ARHGEF28: variants seen among roughly 807,000 people sequenced by gnomAD.
ARHGEF28 encodes Rho guanine nucleotide exchange factor 28.
In ARHGEF28, 152 loss-of-function variants were observed where a neutral mutation model predicts 206.6. The ratio of observed to expected loss-of-function variants is 0.74; its 90% CI spans 0.64 to 0.84. The LOEUF is 0.84. ARHGEF28 is among the 40% of genes least tolerant of loss of function. The pLI is 0.00. For missense variants in ARHGEF28, 2,028 were observed against 2,073.2 expected (o/e 0.98, Z 0.42); for synonymous variants, 763 against 776.4 (o/e 0.98, Z 0.29).
intron 1 of ARHGEF28, among the ~76,000 whole-genome samples, chr5:73,683,741 A>T (rs1022124710): frequency 6.6e-6 from 1 of 151,754 alleles, no homozygotes; most frequent in Non-Finnish European, 1.5e-5. Context: ...CCCTCTGTGT[A>T]AGGGAGGCAA....
At chr5:73,702,042 G>A (rs868743509) in intron 2 of ARHGEF28, among the ~76,000 whole-genome samples, 61 of 152,174 alleles carry the variant, frequency 4.0e-4, no homozygotes, top group Admixed American at 9.8e-4. Flanking sequence ...TTGCTGGGTC[G>A]TATAGTAAGT....
At chr5:73,633,269 C>T (rs1743480027) in intron 1 of ARHGEF28, among the ~76,000 whole-genome samples, 1 of 152,146 alleles carries the variant, frequency 6.6e-6, no homozygotes, top group South Asian at 2.1e-4. Flanking sequence ...AGGCCATGGA[C>T]CTGTACTGGT....
Position 73,698,329 on chromosome 5 carries a change from G to A in ARHGEF28, c.33+13445G>A, listed in dbSNP as rs182476956. ...ATTTCTCTGTAACATCATCCACCAA[G>A]AACACTTTGGATAAACATCAAATTA... On this transcript the variant is annotated intron_variant, in intron 2 of 35. Coordinates refer to ENST00000513042, the MANE Select transcript of ARHGEF28 (RefSeq NM_001177693.2). Among the ~76,000 whole-genome samples, 404 of 152,164 alleles carry A rather than the reference G, an allele frequency of 2.7e-3. 1 individual carries two copies. The highest frequency in any genetic ancestry group is 3.7e-3 in the Non-Finnish European group (252 of 68,002).
chr5:73,836,961 A>G (rs1212993213), intron 10 of ARHGEF28, among the ~76,000 whole-genome samples: 2 of 152,014 alleles, frequency 1.3e-5, no homozygotes, highest in Non-Finnish European at 2.9e-5. Flanking sequence ...TTGAAGATTA[A>G]TTGACTGTAT....
At chr5:73,638,150 C>A (rs1054954479) in intron 1 of ARHGEF28, among the ~76,000 whole-genome samples, 7 of 152,154 alleles carry the variant, frequency 4.6e-5, no homozygotes, top group Admixed American at 6.5e-5. Flanking sequence ...TTACTTGCTG[C>A]TAATAATTTT....
At chr5:73,763,520 C>T (rs1752726195) in intron 4 of ARHGEF28, among the ~76,000 whole-genome samples, 1 of 152,080 alleles carries the variant, frequency 6.6e-6, no homozygotes, top group African/African-American at 2.4e-5. Flanking sequence ...ACTTTTTCTG[C>T]TTGTCAATAA....
chr5:73,733,639 A>T (rs1333851871), intron 2 of ARHGEF28, among the ~76,000 whole-genome samples: 1 of 152,242 alleles, frequency 6.6e-6, no homozygotes, highest in African/African-American at 2.4e-5. Context: ...AAACTATTGA[A>T]AGAAAAAATA....
rs550212864 is a variant in ARHGEF28, at chr5:73,886,209, C to T, written c.3310+105C>T. 860 of 1,379,722 alleles carry T rather than the reference C, an allele frequency of 6.2e-4. 1 individual carries two copies. The highest frequency in any genetic ancestry group is 8.0e-4 in the Non-Finnish European group (818 of 1,027,176). 85.5% of individuals were successfully genotyped at this position (1,379,722 alleles called of 1,614,324 possible). A position where few individuals can be genotyped will look rare whatever the true frequency, so the allele number is the denominator to read the frequency against. On this transcript the variant is annotated intron_variant, in intron 25 of 35. Coordinates refer to ENST00000513042, the MANE Select transcript of ARHGEF28 (RefSeq NM_001177693.2). Reference sequence around the variant, plus strand: ...CAGTTCAGAATTGCAGGCACACATGCGCAAACCCTGGGTCAGTTGAAAGAT... The same window carrying T: ...CAGTTCAGAATTGCAGGCACACATGTGCAAACCCTGGGTCAGTTGAAAGAT...
intron 4 of ARHGEF28, among the ~76,000 whole-genome samples, chr5:73,761,748 C>T (rs967733490): frequency 4.6e-5 from 7 of 152,206 alleles, no homozygotes; most frequent in South Asian, 2.1e-4. Context: ...CTGTGAGTGG[C>T]GACACATCAG....
chr5:73,801,272 C>T lies in ARHGEF28; in HGVS notation c.1024+5881C>T, dbSNP rs551936722. Among the ~76,000 whole-genome samples, 309 of 151,888 alleles carry T rather than the reference C, an allele frequency of 2.0e-3. 1 individual carries two copies. The highest frequency in any genetic ancestry group is 7.0e-3 in the African/African-American group (291 of 41,414). On this transcript the variant is annotated intron_variant, in intron 9 of 35. Coordinates refer to ENST00000513042, the MANE Select transcript of ARHGEF28 (RefSeq NM_001177693.2). ...CCATCCTGGCTAACATGGTGAAACC[C>T]GGTCTCTACTAAAACTACAAAAAAA...
chr5:73,726,112 C>T (rs921340497), intron 2 of ARHGEF28, among the ~76,000 whole-genome samples: 8 of 152,058 alleles, frequency 5.3e-5, no homozygotes, highest in African/African-American at 1.9e-4. Flanking sequence ...TTGCAAAGAC[C>T]ATATCCCTAA....
intron 35 of ARHGEF28, among the ~76,000 whole-genome samples, chr5:73,918,407 A>C (rs1310133769): frequency 6.6e-6 from 1 of 152,226 alleles, no homozygotes; most frequent in Non-Finnish European, 1.5e-5. Flanking sequence ...GTGAGGAGTG[A>C]CAATTACACT....
At chr5:73,631,078 C>T (rs2652119) in intron 1 of ARHGEF28, among the ~76,000 whole-genome samples, 3 of 151,976 alleles carry the variant, frequency 2.0e-5, no homozygotes, top group African/African-American at 7.3e-5. Flanking sequence ...TAGTCCTCTT[C>T]TTCTGAAGAA....
chr5:73,816,885 A>G (rs1375246455), intron 9 of ARHGEF28, among the ~76,000 whole-genome samples: 2 of 152,208 alleles, frequency 1.3e-5, no homozygotes, highest in Non-Finnish European at 1.5e-5. Context: ...CCAGCAGTTA[A>G]TGATTGGAGT....
At chr5:73,750,075 A>G in intron 3 of ARHGEF28, 91 bp downstream of exon 3, 1 of 1,502,180 alleles carries the variant, frequency 6.7e-7, no homozygotes, top group East Asian at 2.3e-5. Flanking sequence ...CCAGGAAGAA[A>G]AAGAAAACAG....
chr5:73,643,980 A>T (rs1411759971), intron 1 of ARHGEF28, among the ~76,000 whole-genome samples: 1 of 151,556 alleles, frequency 6.6e-6, no homozygotes, highest in Non-Finnish European at 1.5e-5. Flanking sequence ...TGCTAGGACC[A>T]CTCAGTATGT....
intron 18 of ARHGEF28, among the ~76,000 whole-genome samples, chr5:73,866,282 T>A (rs1435174010): frequency 6.6e-6 from 1 of 152,226 alleles, no homozygotes; most frequent in East Asian, 1.9e-4. Context: ...TTGCTTCAAT[T>A]CTAAGATGCT....
chr5:73,651,429 AC>A (rs909290787), intron 1 of ARHGEF28, among the ~76,000 whole-genome samples: 19 of 152,184 alleles, frequency 1.2e-4, no homozygotes, highest in African/African-American at 4.3e-4. Context: ...TTGTTTTGAA[AC>A]CAAACATGTT....
chr5:73,630,188 A>G (rs1164908994), intron 1 of ARHGEF28, among the ~76,000 whole-genome samples: 1 of 152,228 alleles, frequency 6.6e-6, no homozygotes, highest in African/African-American at 2.4e-5. Flanking sequence ...TATATTAATG[A>G]CATTTATGGT....
Sources: allele counts gnomAD v4.1 joint callset (sites outside exome capture counted in the v4.1 genomes callset), GRCh38; gene constraint gnomAD v4.1.1; transcripts MANE v1.5; gene names NCBI Gene and HGNC (gene_info 2026-07-23, HGNC 2026-07-21).